HSF2BP: variants seen among roughly 807,000 people sequenced by gnomAD.
HSF2BP encodes heat shock factor 2-binding protein.
Under a neutral mutation model 35.0 loss-of-function variants are expected in HSF2BP, and 35 were observed. The ratio of observed to expected loss-of-function variants is 1.00; its 90% CI spans 0.76 to 1.32. The LOEUF is 1.32. Among genes scored for constraint, HSF2BP ranks in the 40% most tolerant of loss-of-function variants. The pLI, the probability that HSF2BP is intolerant of heterozygous loss-of-function variation, is 0.00. For missense variants in HSF2BP, 326 were observed against 321.7 expected, an observed-to-expected ratio of 1.01 and a Z score of -0.10; for synonymous variants, 114 against 117.4, an observed-to-expected ratio of 0.97 and a Z score of 0.18.
chr21:43,644,390 G>C lies in HSF2BP; in HGVS notation c.190C>G (p.Leu64Val). 6 of 1,611,436 alleles carry C rather than the reference G, an allele frequency of 3.7e-6. No homozygotes were observed. Among genetic ancestry groups the C allele is most frequent in the Non-Finnish European group, 4.2e-6 (5 of 1,177,592 alleles). Residue 64 changes from leucine (L) to valine (V), a missense_variant and splice_region_variant, in exon 4 of 9, where the codon CTG becomes GTG. By Grantham distance (32) the Leu-to-Val change is conservative. Coordinates refer to ENST00000291560, the MANE Select transcript of HSF2BP (RefSeq NM_007031.2). ...TCTAATTCTTGCTCTTTCCTTTCCAGGTCTAGGAGAAAGACATAAAATTAC... is the reference window on the plus strand; with the variant it reads ...TCTAATTCTTGCTCTTTCCTTTCCACGTCTAGGAGAAAGACATAAAATTAC... The part of the protein sequence containing the change: ...FQKLKIVEKN[L>V]ERKEQELEQL...
At chr21:43,615,656 A>G (rs1037197421) in intron 6 of HSF2BP, among the ~76,000 whole-genome samples, 2 of 152,190 alleles carry the variant, frequency 1.3e-5, no homozygotes, top group African/African-American at 4.8e-5. Context: ...TTATTGACAG[A>G]ACCTTTCAAT....
In HSF2BP at chr21:43,604,553, CCA is replaced by C. The variant is rs1024280605; in HGVS notation, c.692+9275_692+9276del. ...ACACACCACACACACCATACACACC[CCA>C]CACACATTGCACACACACCAATATA... On this transcript the variant is annotated intron_variant, in intron 7 of 8. Transcript: ENST00000291560. Among the ~76,000 whole-genome samples, 6 of 133,458 alleles carry C rather than the reference CCA, an allele frequency of 4.5e-5. No individual in the cohort carries two copies. In the East Asian group the frequency reaches 6.9e-4, roughly 15 times the overall value. The allele number at this position is 133,458 out of a possible 152,430, so 87.6% of individuals were successfully genotyped here.
chr21:43,467,728 ACAC>A, the HSF2BP span, among the ~76,000 whole-genome samples: 59 of 127,076 alleles, frequency 4.6e-4, 1 homozygote, highest in African/African-American at 9.4e-4. Flanking sequence ...CACACCACAC[ACAC>A]CACACCACAA....
chr21:43,642,022 G>A (rs1437187099), intron 4 of HSF2BP, among the ~76,000 whole-genome samples: 1 of 151,974 alleles, frequency 6.6e-6, no homozygotes, highest in Non-Finnish European at 1.5e-5. Context: ...AGGGCCAGGT[G>A]CAGTGGCCCA....
At chr21:43,653,205 GGGAAGGGAAGGGGAA>G (rs2082817144) in intron 3 of HSF2BP, among the ~76,000 whole-genome samples, 2 of 19,824 alleles carry the variant, frequency 1.0e-4, no homozygotes, top group Non-Finnish European at 2.0e-4. Flanking sequence ...GGAAGGGGAA[GGGAAGGGAAGGGGAA>G]GGGAAGGGAA....
chr21:43,585,645 C>CAA (rs111309484), intron 8 of HSF2BP, among the ~76,000 whole-genome samples: 16 of 114,920 alleles, frequency 1.4e-4, no homozygotes, highest in African/African-American at 3.2e-4. Context: ...GACTCTGTCT[C>CAA]AAAAAAAAAA....
At chr21:43,656,082 T>G (rs1003836815) in intron 3 of HSF2BP, among the ~76,000 whole-genome samples, 8 of 152,184 alleles carry the variant, frequency 5.3e-5, no homozygotes, top group Non-Finnish European at 1.2e-4. Flanking sequence ...AATAGGCTCC[T>G]AAACTGGTAT....
intron 4 of HSF2BP, among the ~76,000 whole-genome samples, chr21:43,642,628 T>C (rs919921091): frequency 6.6e-6 from 1 of 152,138 alleles, no homozygotes; most frequent in African/African-American, 2.4e-5. Flanking sequence ...TATATTAAAT[T>C]GGACTATTCA....
intron 7 of HSF2BP, among the ~76,000 whole-genome samples, chr21:43,602,558 G>A (rs1415233766): frequency 6.6e-6 from 1 of 152,126 alleles, no homozygotes; most frequent in Non-Finnish European, 1.5e-5. Flanking sequence ...GAAGATGCTG[G>A]GCAGGATAAA....
intron 3 of HSF2BP, among the ~76,000 whole-genome samples, chr21:43,653,990 GATAGC>G (rs1239260763): frequency 1.3e-5 from 2 of 152,162 alleles, no homozygotes; most frequent in African/African-American, 4.8e-5. Flanking sequence ...GCAGGGAACA[GATAGC>G]ATGAGGCAGA....
intron 7 of HSF2BP, among the ~76,000 whole-genome samples, chr21:43,607,815 T>C (rs556922480): frequency 6.6e-6 from 1 of 152,278 alleles, no homozygotes; most frequent in Admixed American, 6.5e-5. Context: ...CAATTGACCT[T>C]TGACAACATT....
chr21:43,659,026 G>A lies in HSF2BP; in HGVS notation c.-225+360C>T, dbSNP rs969055702. On this transcript the variant is annotated intron_variant, in intron 1 of 8. Coordinates refer to ENST00000291560, the MANE Select transcript of HSF2BP (RefSeq NM_007031.2). This position sits in a 1 kb window ranked among gnomAD's most constrained non-coding sequence, Gnocchi z 4.2. ...AAGATCCTGGACCGTGGCCAGGCGC[G>A]GCGGCTCAAGCCTGTAATCCCAGCG... Among the ~76,000 whole-genome samples the A allele has an allele frequency of 1.3e-5, 2 of 152,194 alleles. No individual in the cohort carries two copies. Among genetic ancestry groups the A allele is most frequent in the African/African-American group, 4.8e-5 (2 of 41,466 alleles).
chr21:43,506,957 C>A, the HSF2BP span, among the ~76,000 whole-genome samples: 1 of 110,858 alleles, frequency 9.0e-6, no homozygotes, highest in Non-Finnish European at 2.1e-5. Flanking sequence ...GCTCCACCAC[C>A]CCCCACTCCT....
At chr21:43,614,394 T>C (rs1420021698) in intron 6 of HSF2BP, among the ~76,000 whole-genome samples, 1 of 148,160 alleles carries the variant, frequency 6.7e-6, no homozygotes, top group Non-Finnish European at 1.5e-5. Context: ...TCAACAAAAA[T>C]GACAGCTCAG....
intron 3 of HSF2BP, among the ~76,000 whole-genome samples, chr21:43,651,858 T>TTTG (rs1208811271): frequency 3.3e-5 from 5 of 152,174 alleles, no homozygotes; most frequent in African/African-American, 9.7e-5. Context: ...AGGCAACACC[T>TTTG]TCGTCAGTAT....
intron 7 of HSF2BP, among the ~76,000 whole-genome samples, chr21:43,612,237 G>A (rs992329262): frequency 5.3e-5 from 8 of 152,134 alleles, no homozygotes; most frequent in African/African-American, 1.9e-4. Flanking sequence ...AAAATTACTT[G>A]GCATATGAAG....
chr21:43,574,284 CA>C, intron 8 of HSF2BP, among the ~76,000 whole-genome samples: 1 of 151,594 alleles, frequency 6.6e-6, no homozygotes, highest in African/African-American at 2.4e-5. Context: ...AAGACATCAG[CA>C]AATCTACACG....
At chr21:43,606,056 C>G (rs542674103) in intron 7 of HSF2BP, among the ~76,000 whole-genome samples, 2 of 152,250 alleles carry the variant, frequency 1.3e-5, no homozygotes, top group South Asian at 4.2e-4. Flanking sequence ...AGCCGCCTGC[C>G]GGGACACCCA....
intron 6 of HSF2BP, among the ~76,000 whole-genome samples, chr21:43,622,357 A>G (rs960526565): frequency 6.6e-6 from 1 of 152,190 alleles, no homozygotes; most frequent in Admixed American, 6.5e-5. Context: ...AACAGATTCA[A>G]TTTTCTAATT....
Sources: gnomAD v4.1 joint callset for allele counts (sites outside exome capture counted in the v4.1 genomes callset) on GRCh38, gnomAD v4.1.1 for gene constraint, Gnocchi (gnomAD v3.1) non-coding constraint, MANE v1.5 for transcripts, NCBI Gene and HGNC (gene_info 2026-07-23, HGNC 2026-07-21) for gene names.